The following SGCZ variants were observed in gnomAD, a reference collection of about 807,000 sequenced individuals.
The protein encoded by SGCZ is sarcoglycan zeta.
In SGCZ, 40 loss-of-function variants were observed where a neutral mutation model predicts 41.3. That is an observed-to-expected ratio of 0.97 (90% confidence interval 0.75 to 1.26). The LOEUF (loss-of-function observed/expected upper bound fraction) is 1.26. Among genes scored for constraint, SGCZ ranks in the 50% most tolerant of loss-of-function variants. The pLI, the probability that SGCZ is intolerant of heterozygous loss-of-function variation, is 0.00. For synonymous variants in SGCZ, 206 were observed against 137.5 expected (o/e 1.50, Z -3.49); for missense variants, 552 against 369.8 (o/e 1.49, Z -4.04).
chr8:15,092,184 T>C (rs932906104), intron 1 of SGCZ, among the ~76,000 whole-genome samples: 6 of 152,218 alleles, frequency 3.9e-5, no homozygotes, highest in Admixed American at 2.0e-4. Context: ...ACTCAGTGAC[T>C]CTATAACCTT....
At chr8:15,118,668 C>A (rs143257758) in intron 1 of SGCZ, among the ~76,000 whole-genome samples, 2,285 of 152,114 alleles carry the variant, frequency 0.015, 48 homozygotes, top group African/African-American at 0.052. Flanking sequence ...ACCCTCTGAT[C>A]AGGAGTAGCT....
chr8:14,661,184 C>T (rs1807736742), intron 1 of SGCZ, among the ~76,000 whole-genome samples: 1 of 151,898 alleles, frequency 6.6e-6, no homozygotes, highest in Admixed American at 6.6e-5. Flanking sequence ...GTTTGTGCCC[C>T]CCGATGGACA....
chr8:14,330,933 T>C (rs1802296649), intron 2 of SGCZ, among the ~76,000 whole-genome samples: 1 of 151,942 alleles, frequency 6.6e-6, no homozygotes, highest in Admixed American at 6.6e-5. Flanking sequence ...GAGAAGCAAA[T>C]ATACATTTTA....
chr8:14,563,880 A>AT (rs1309970106), intron 1 of SGCZ, among the ~76,000 whole-genome samples: 3 of 152,180 alleles, frequency 2.0e-5, no homozygotes, highest in East Asian at 3.8e-4. Flanking sequence ...AATTGATATA[A>AT]TTTTTTAAAA....
intron 1 of SGCZ, among the ~76,000 whole-genome samples, chr8:14,979,083 G>A (rs1393442875): frequency 6.6e-6 from 1 of 152,096 alleles, no homozygotes; most frequent in Non-Finnish European, 1.5e-5. Context: ...ATAGGTGTGA[G>A]CCACCACACT....
At chr8:14,552,503 A>G (rs1199237250) in intron 2 of SGCZ, among the ~76,000 whole-genome samples, 2 of 152,096 alleles carry the variant, frequency 1.3e-5, no homozygotes, top group South Asian at 2.1e-4. Context: ...AATTTTTTAA[A>G]AGACATGCTT....
chr8:14,290,391 A>G (rs967945268), intron 3 of SGCZ, among the ~76,000 whole-genome samples: 9 of 152,120 alleles, frequency 5.9e-5, no homozygotes, highest in African/African-American at 1.9e-4. Flanking sequence ...TGCACAGAGC[A>G]AAGAGAAAAC....
rs1807126524 is a variant in SGCZ, at chr8:15,112,949, C to T, written c.39+124636G>A. The stretch of plus-strand genomic sequence containing the variant: ...AGTAGTAAAGAAAAATGAAAAAAAG[C>T]AGGGCACAGTACACTTTCAGAAGCC... On this transcript the variant is annotated intron_variant, in intron 1 of 7. Coordinates refer to ENST00000382080, the MANE Select transcript of SGCZ (RefSeq NM_139167.4). Among the ~76,000 whole-genome samples the T allele has an allele frequency of 3.3e-5, 5 of 152,236 alleles. No homozygotes were observed. The South Asian group carries it at 1.0e-3, about 32-fold the overall frequency.
intron 1 of SGCZ, among the ~76,000 whole-genome samples, chr8:14,884,475 G>A (rs531926093): frequency 6.6e-6 from 1 of 151,856 alleles, no homozygotes; most frequent in South Asian, 2.1e-4. Context: ...TGCCCTTCTT[G>A]GTGGGTAGAT....
intron 1 of SGCZ, among the ~76,000 whole-genome samples, chr8:15,159,411 G>A (rs1005589001): frequency 6.6e-6 from 1 of 152,148 alleles, no homozygotes; most frequent in Non-Finnish European, 1.5e-5. Context: ...TGGGAACTCT[G>A]ACTTGAAACC....
intron 1 of SGCZ, among the ~76,000 whole-genome samples, chr8:15,083,605 G>C (rs927815835): frequency 4.4e-4 from 67 of 152,256 alleles, no homozygotes; most frequent in African/African-American, 1.5e-3. Context: ...CTGGAGTCCA[G>C]TGGTTCTATC....
intron 2 of SGCZ, among the ~76,000 whole-genome samples, chr8:14,414,806 T>C (rs993928740): frequency 6.6e-6 from 1 of 151,962 alleles, no homozygotes; most frequent in Non-Finnish European, 1.5e-5. Context: ...TGTTAGTATT[T>C]GAAACATTTA....
intron 1 of SGCZ, among the ~76,000 whole-genome samples, chr8:14,823,054 A>AT (rs1491485428): frequency 9.4e-4 from 98 of 104,086 alleles, no homozygotes; most frequent in Middle Eastern, 4.8e-3. Flanking sequence ...ACCAATCCTC[A>AT]TAAAAAAAAA....
chr8:14,647,533 T>C (rs1229467196), intron 1 of SGCZ, among the ~76,000 whole-genome samples: 3 of 152,022 alleles, frequency 2.0e-5, no homozygotes, highest in Non-Finnish European at 1.5e-5. Flanking sequence ...CCCTTTCTCT[T>C]TCTCTCTCCG....
intron 1 of SGCZ, among the ~76,000 whole-genome samples, chr8:14,826,439 G>T (rs941918824): frequency 6.6e-6 from 1 of 152,002 alleles, no homozygotes; most frequent in Non-Finnish European, 1.5e-5. Context: ...AATCCTTTGG[G>T]GATATACCCA....
chr8:14,263,505 T>G (rs529125113), intron 3 of SGCZ, among the ~76,000 whole-genome samples: 2 of 152,106 alleles, frequency 1.3e-5, no homozygotes, highest in Non-Finnish European at 2.9e-5. Flanking sequence ...GCCACGATGA[T>G]GCCACTGCAC....
At chr8:14,322,685 T>C (rs1344301789) in intron 3 of SGCZ, among the ~76,000 whole-genome samples, 2 of 152,176 alleles carry the variant, frequency 1.3e-5, no homozygotes, top group African/African-American at 4.8e-5. Flanking sequence ...CCTGGACTTA[T>C]CAGTAAGGAG....
At chr8:14,502,983 G>A (rs1014766556) in intron 2 of SGCZ, among the ~76,000 whole-genome samples, 1 of 152,108 alleles carries the variant, frequency 6.6e-6, no homozygotes, top group Non-Finnish European at 1.5e-5. Context: ...CTACTATAAA[G>A]ACACATGCAC....
intron 1 of SGCZ, among the ~76,000 whole-genome samples, chr8:14,994,518 C>T (rs1029893026): frequency 9.3e-5 from 14 of 150,970 alleles, no homozygotes; most frequent in South Asian, 2.1e-4. Context: ...CAGGAGGCGG[C>T]GGTTGCAGTG....
Sources: allele counts gnomAD v4.1 joint callset (sites outside exome capture counted in the v4.1 genomes callset), GRCh38; gene constraint gnomAD v4.1.1; transcripts MANE v1.5; gene names NCBI Gene and HGNC (gene_info 2026-07-23, HGNC 2026-07-21).